Variants in RAD54L2 observed in about 807,000 individuals in gnomAD.
RAD54L2 encodes the protein RAD54 like 2, also known as helicase ARIP4.
In RAD54L2, 27 loss-of-function variants were observed where a neutral mutation model predicts 138.4. The ratio of observed to expected loss-of-function variants is 0.20; its 90% CI spans 0.14 to 0.27. The LOEUF (loss-of-function observed/expected upper bound fraction) is 0.27. Ranked by LOEUF, RAD54L2 falls within the 10% of genes least tolerant of loss-of-function variation. The pLI is 1.00. For synonymous variants in RAD54L2, 644 were observed against 723.2 expected (o/e 0.89, Z 1.76); for missense variants, 1,396 against 1,890.2 (o/e 0.74, Z 4.85).
chr3:51,604,267 TTTAGGTTTGTAA>T (rs764003200), intron 3 of RAD54L2, among the ~76,000 whole-genome samples: 12 of 152,158 alleles, frequency 7.9e-5, no homozygotes, highest in Non-Finnish European at 1.6e-4. Flanking sequence ...GAATCCATCG[TTTAGGTTTGTAA>T]TCCATCTGGA....
rs975400293 is a variant in RAD54L2, at chr3:51,583,982, C to T, written c.-54-6385C>T. ...TTGGGGACTCCCAGGGGTTCCCAGA[C>T]CACACTTTGAGAATTGCTGTTTTAG... On this transcript the variant is annotated intron_variant, in intron 2 of 22. Coordinates refer to ENST00000684192, the MANE Select transcript of RAD54L2 (RefSeq NM_015106.4). 5.9e-5 allele frequency among the ~76,000 whole-genome samples: 9 copies of T among 151,812 alleles called. No individual in the cohort carries two copies. In the South Asian group the frequency reaches 1.7e-3, roughly 28 times the overall value.
At chr3:51,608,645 C>T (rs761202484) in intron 3 of RAD54L2, among the ~76,000 whole-genome samples, 8 of 152,180 alleles carry the variant, frequency 5.3e-5, no homozygotes, top group African/African-American at 1.7e-4. Context: ...GCCAACACGG[C>T]GAAACCCCGT....
chr3:51,543,367 G>C (rs2108683503), intron 2 of RAD54L2, among the ~76,000 whole-genome samples: 1 of 152,218 alleles, frequency 6.6e-6, no homozygotes, highest in Admixed American at 6.5e-5. Flanking sequence ...CCAGCACTTT[G>C]GCAGGCCAAG....
At chr3:51,547,541 T>C (rs1027383431) in intron 2 of RAD54L2, among the ~76,000 whole-genome samples, 2 of 152,124 alleles carry the variant, frequency 1.3e-5, no homozygotes, top group African/African-American at 2.4e-5. Flanking sequence ...TAAGCATACT[T>C]TGCGTATGTA....
intron 3 of RAD54L2, among the ~76,000 whole-genome samples, chr3:51,617,585 T>C (rs1700472886): frequency 6.6e-6 from 1 of 152,192 alleles, no homozygotes; most frequent in Non-Finnish European, 1.5e-5. Context: ...GTTTTAGAAA[T>C]ATATTCTAGG....
Position 51,590,538 on chromosome 3 carries a change from G to T in RAD54L2, c.118G>T (p.Asp40Tyr). The T allele has an allele frequency of 6.4e-7, 1 of 1,552,446 alleles. No homozygotes were observed. Among genetic ancestry groups the T allele is most frequent in the East Asian group, 2.4e-5 (1 of 40,918 alleles). Reference protein sequence around the residue: ...EVAVEECDRDDEEDLLDDPSL... With the variant: ...EVAVEECDRDYEEDLLDDPSL... ...GGCAGTGGAGGAGTGTGACAGGGAT[G>T]ATGAAGAAGACCTGCTGGATGGTAA... The change falls in exon 3 of 23, where the codon GAT (aspartate) becomes TAT (tyrosine). Residue 40 changes from aspartate (D) to tyrosine (Y), a missense_variant. Transcript: ENST00000684192.
chr3:51,598,749 C>T (rs1298185399), intron 3 of RAD54L2, among the ~76,000 whole-genome samples: 2 of 152,060 alleles, frequency 1.3e-5, no homozygotes, highest in African/African-American at 4.8e-5. Flanking sequence ...GAGCGAGACT[C>T]TGTCTCCAAC....
chr3:51,580,569 C>T (rs1699584534), intron 2 of RAD54L2, among the ~76,000 whole-genome samples: 1 of 152,040 alleles, frequency 6.6e-6, no homozygotes, highest in Admixed American at 6.6e-5. Context: ...ATCTAGGGGC[C>T]CCACCCTAAG....
intron 3 of RAD54L2, among the ~76,000 whole-genome samples, chr3:51,599,873 C>T (rs569653046): frequency 3.3e-5 from 5 of 152,134 alleles, no homozygotes; most frequent in Non-Finnish European, 7.3e-5. Context: ...CCGCCTCAGC[C>T]TCCTAAAGTG....
Position 51,593,611 on chromosome 3 carries a change from C to T in RAD54L2, c.139+3052C>T, listed in dbSNP as rs545936855. Among the ~76,000 whole-genome samples, 33 of 152,242 alleles carry T rather than the reference C, an allele frequency of 2.2e-4. No homozygotes were observed. In the East Asian group the frequency reaches 5.0e-3, roughly 23 times the overall value. ...CCTCCCAAAGTGCTGGCATTACAGG[C>T]GTGAGCCACTGTGCCCGGCCACTTC... is the stretch of plus-strand genomic sequence containing the variant. On this transcript the variant is annotated intron_variant, in intron 3 of 22. Transcript: ENST00000684192.
At chr3:51,594,707 A>G (rs1309000190) in intron 3 of RAD54L2, among the ~76,000 whole-genome samples, 1 of 152,092 alleles carries the variant, frequency 6.6e-6, no homozygotes, top group Admixed American at 6.6e-5. Context: ...AAGGGAAAGT[A>G]TGGCAAATGC....
chr3:51,569,482 C>G (rs1034308713), intron 2 of RAD54L2, among the ~76,000 whole-genome samples: 1 of 151,878 alleles, frequency 6.6e-6, no homozygotes, highest in Non-Finnish European at 1.5e-5. Context: ...CTCCCAGGTT[C>G]GAGCAATTCT....
chr3:51,562,385 CCAT>C (rs1699119610), intron 2 of RAD54L2, among the ~76,000 whole-genome samples: 3 of 152,178 alleles, frequency 2.0e-5, no homozygotes, highest in Non-Finnish European at 4.4e-5. Flanking sequence ...GCACCCACCA[CCAT>C]GTCTGGCTAA....
intron 2 of RAD54L2, among the ~76,000 whole-genome samples, chr3:51,552,919 A>G (rs58189274): frequency 0.068 from 10,310 of 152,070 alleles, 906 homozygotes; most frequent in East Asian, 0.33. Context: ...TTTTATTTAC[A>G]TTTATTTATT....
chr3:51,637,519 G>A lies in RAD54L2; in HGVS notation c.1682+16G>A. 6.3e-7 allele frequency: 1 copy of A among 1,594,514 alleles called. No individual in the cohort carries two copies. The highest frequency in any genetic ancestry group is 1.1e-5 in the South Asian group (1 of 89,214). Reference sequence around the variant, plus strand: ...TTGTGCAGAGGTGAGCCATCCTCAGGGTCCTGCTTCCTGAATTTTCAGAGG... The same window carrying A: ...TTGTGCAGAGGTGAGCCATCCTCAGAGTCCTGCTTCCTGAATTTTCAGAGG... On this transcript the variant is annotated intron_variant, in intron 11 of 22. Transcript: ENST00000684192. This position sits in a 1 kb window ranked among gnomAD's most constrained non-coding sequence, Gnocchi z 5.9.
intron 3 of RAD54L2, among the ~76,000 whole-genome samples, chr3:51,599,008 A>G (rs575648812): frequency 6.6e-5 from 10 of 152,202 alleles, no homozygotes; most frequent in Non-Finnish European, 1.5e-4. Context: ...CATGAAGCCT[A>G]TCAACTGGTG....
At chr3:51,634,241 T>A (rs1700921624) in intron 9 of RAD54L2, among the ~76,000 whole-genome samples, 1 of 152,158 alleles carries the variant, frequency 6.6e-6, no homozygotes, top group Non-Finnish European at 1.5e-5. Flanking sequence ...CTGAGAAATT[T>A]CCTGTGTTCT....
rs372453431 is a variant in RAD54L2, at chr3:51,599,965, G to A, written c.139+9406G>A. Among the ~76,000 whole-genome samples, 36 of 150,872 alleles carry A rather than the reference G, an allele frequency of 2.4e-4. 1 individual carries two copies. The East Asian group carries it at 4.9e-3, about 21-fold the overall frequency. ...ATTTTTTTTGAGACGGAGCCTCACC[G>A]TCACCCAGGCTGGAGTGCAGTGGCG... On this transcript the variant is annotated intron_variant, in intron 3 of 22. Transcript: ENST00000684192.
At chr3:51,591,398 A>T (rs1699837077) in intron 3 of RAD54L2, among the ~76,000 whole-genome samples, 1 of 152,158 alleles carries the variant, frequency 6.6e-6, no homozygotes, top group East Asian at 1.9e-4. Context: ...TCATCTAATT[A>T]CTTGAATCTG....
Sources: allele counts gnomAD v4.1 joint callset (sites outside exome capture counted in the v4.1 genomes callset), GRCh38; gene constraint gnomAD v4.1.1; non-coding constraint Gnocchi (gnomAD v3.1); transcripts MANE v1.5; gene names NCBI Gene and HGNC (gene_info 2026-07-23, HGNC 2026-07-21).